The following ARHGAP20 variants were observed in gnomAD, a reference collection of about 807,000 sequenced individuals.
ARHGAP20 encodes the protein Rho GTPase activating protein 20.
A neutral mutation model predicts 73.7 loss-of-function variants in ARHGAP20; 34 were observed. The ratio of observed to expected loss-of-function variants is 0.46; its 90% confidence interval spans 0.35 to 0.61. The LOEUF is 0.61. Among genes scored for constraint, ARHGAP20 ranks in the 20% least tolerant of loss-of-function variants. ARHGAP20 has a pLI of 0.00. For missense variants in ARHGAP20, 1,314 were observed against 1,420.9 expected, an observed-to-expected ratio of 0.92 and a Z score of 1.21; for synonymous variants, 523 against 518.2, an observed-to-expected ratio of 1.01 and a Z score of -0.13.
At chr11:110,584,824 T>C (rs1218893358) in intron 12 of ARHGAP20, among the ~76,000 whole-genome samples, 1 of 151,240 alleles carries the variant, frequency 6.6e-6, no homozygotes, top group African/African-American at 2.4e-5. Flanking sequence ...ATTTGCAAAT[T>C]CACTTTAGCA....
Position 110,580,170 on chromosome 11 carries a change from T to C in ARHGAP20, c.2776A>G (p.Arg926Gly). 6.2e-7 allele frequency: 1 copy of C among 1,614,192 alleles called. No individual in the cohort carries two copies. The highest frequency in any genetic ancestry group is 8.5e-7 in the Non-Finnish European group (1 of 1,180,046). ...NQNTEKVLPP[R>G]LNLCPRTSYS... ...CTGGTCCTTGGGCAAAGGTTTAATC[T>C]TGGGGGTAAAACCTTCTCAGTGTTT... The change falls in exon 15 of 15, where the codon AGA becomes GGA. Residue 926 changes from arginine (R) to glycine (G), a missense_variant. By Grantham distance (125) the Arg-to-Gly change is moderately radical. Around this residue, in one of 3 missense-constraint regions of ARHGAP20, gnomAD observed 641 missense variants for 636.9 expected, o/e 1.01. Transcript: ENST00000683387.
chr11:110,705,912 G>A (rs11213556), intron 1 of ARHGAP20, among the ~76,000 whole-genome samples: 42,176 of 151,994 alleles, frequency 0.28, 6,214 homozygotes, highest in African/African-American at 0.39. Context: ...CCTGGCTAAG[G>A]GCTCTTGAAG....
Position 110,614,606 on chromosome 11 carries a change from G to A in ARHGAP20, c.585C>T (p.Ser195=). The A allele has an allele frequency of 6.2e-7, 1 of 1,612,910 alleles. No homozygotes were observed. The highest frequency in any genetic ancestry group is 8.5e-7 in the Non-Finnish European group (1 of 1,179,510). ...CCTTGGCGAAGATTTTGAGGGGAAT[G>A]CTCTTCGGGTAGTCCTTTTCTTTCT... The part of the protein sequence containing the change: ...NLEKEKDYPK[S]IPLKIFAKDI... Residue 195 remains serine, a synonymous_variant, in exon 6 of 15, where the codon AGC becomes AGT. Coordinates refer to ENST00000683387, the MANE Select transcript of ARHGAP20 (RefSeq NM_001384657.1).
At position 110,590,481 on chromosome 11, in the gene ARHGAP20, T is replaced by A. The variant is rs374155180; in HGVS notation, c.1305+167A>T. Among the ~76,000 whole-genome samples the A allele has an allele frequency of 3.3e-5, 5 of 152,342 alleles. No homozygotes were observed. The East Asian group carries it at 9.6e-4, about 29-fold the overall frequency. Reference sequence around the variant, plus strand: ...ATCAGTGGTAGCTTTTAAAGTCCAATGTTGACTTTGTGAAATGTTTTTATA... The same window carrying A: ...ATCAGTGGTAGCTTTTAAAGTCCAAAGTTGACTTTGTGAAATGTTTTTATA... On this transcript the variant is annotated intron_variant, in intron 11 of 14. Coordinates refer to ENST00000683387, the MANE Select transcript of ARHGAP20 (RefSeq NM_001384657.1).
At chr11:110,597,720 G>GT (rs1328354994) in intron 9 of ARHGAP20, among the ~76,000 whole-genome samples, 2 of 152,168 alleles carry the variant, frequency 1.3e-5, no homozygotes, top group African/African-American at 4.8e-5. Flanking sequence ...TGTTGACAGA[G>GT]GATAAAGTAG....
At chr11:110,629,671 C>T (rs907674950) in intron 3 of ARHGAP20, among the ~76,000 whole-genome samples, 4 of 152,126 alleles carry the variant, frequency 2.6e-5, no homozygotes, top group African/African-American at 9.7e-5. Flanking sequence ...CATTCTACAC[C>T]GTTTCTTATA....
intron 14 of ARHGAP20, 21 bp downstream of exon 14, chr11:110,582,300 C>T: frequency 1.9e-6 from 3 of 1,563,910 alleles, no homozygotes; most frequent in Non-Finnish European, 2.6e-6. Context: ...TCACAAAAAC[C>T]AATCCAATTA....
In ARHGAP20 at chr11:110,614,028, T is replaced by C. The variant is rs769526589; in HGVS notation, c.630+533A>G. Among the ~76,000 whole-genome samples the C allele has an allele frequency of 1.4e-4, 21 of 152,180 alleles. 1 individual carries two copies. The highest frequency in any genetic ancestry group is 2.1e-4 in the Non-Finnish European group (14 of 68,022). ...GACCAATATGATAAACACTGTGAAG[T>C]AGTAAAATGCTGATCCCTTAAAAAT... On this transcript the variant is annotated intron_variant, in intron 6 of 14. Coordinates refer to ENST00000683387, the MANE Select transcript of ARHGAP20 (RefSeq NM_001384657.1).
intron 2 of ARHGAP20, among the ~76,000 whole-genome samples, chr11:110,689,085 G>A (rs1386631543): frequency 6.7e-6 from 1 of 148,418 alleles, no homozygotes; most frequent in Admixed American, 6.8e-5. Flanking sequence ...TGCAAGCTCC[G>A]CCTCCCCGGT....
At chr11:110,632,409 T>C (rs1442785979) in intron 2 of ARHGAP20, among the ~76,000 whole-genome samples, 1 of 152,130 alleles carries the variant, frequency 6.6e-6, no homozygotes, top group East Asian at 1.9e-4. Context: ...ATTAGGATTT[T>C]TTTTTCTTAT....
chr11:110,684,926 G>T (rs886573637), intron 2 of ARHGAP20, among the ~76,000 whole-genome samples: 2 of 152,086 alleles, frequency 1.3e-5, no homozygotes, highest in African/African-American at 4.8e-5. Context: ...AGAGAGGGAA[G>T]TGGGGGGCAA....
At chr11:110,656,528 A>G (rs111637040) in intron 2 of ARHGAP20, among the ~76,000 whole-genome samples, 38 of 152,226 alleles carry the variant, frequency 2.5e-4, no homozygotes, top group African/African-American at 8.7e-4. Flanking sequence ...GAGTCCTCTT[A>G]GTAAGGGAGA....
intron 2 of ARHGAP20, among the ~76,000 whole-genome samples, chr11:110,646,863 A>G (rs1283887068): frequency 6.6e-6 from 1 of 152,026 alleles, no homozygotes; most frequent in African/African-American, 2.4e-5. Flanking sequence ...GGAAGAGGGT[A>G]TGGTTTAAAC....
chr11:110,624,227 G>A lies in ARHGAP20; in HGVS notation c.438C>T (p.Gly146=), dbSNP rs765417943. The change falls in exon 4 of 15, where the codon GGC becomes GGT. Residue 146 remains glycine, a synonymous_variant. Transcript: ENST00000683387. Reference sequence around the variant, plus strand: ...CAAAGGATTTCATGGCATTGGTGTTGCCTTCTCCCACTTCATCCACACAGC... The same window carrying A: ...CAAAGGATTTCATGGCATTGGTGTTACCTTCTCCCACTTCATCCACACAGC... ...TASCVDEVGE[G]NTNAMKSFVL... 1 of 1,613,240 alleles carries A rather than the reference G, an allele frequency of 6.2e-7. No individual in the cohort carries two copies. Among genetic ancestry groups the A allele is most frequent in the Non-Finnish European group, 8.5e-7 (1 of 1,179,758 alleles).
chr11:110,679,815 C>G (rs996350141), intron 2 of ARHGAP20, among the ~76,000 whole-genome samples: 2 of 152,144 alleles, frequency 1.3e-5, no homozygotes, highest in African/African-American at 4.8e-5. Context: ...AACTATGTAT[C>G]AGAAAACCAA....
intron 4 of ARHGAP20, among the ~76,000 whole-genome samples, chr11:110,619,384 CAGT>C (rs1198156431): frequency 6.9e-6 from 1 of 145,384 alleles, no homozygotes; most frequent in African/African-American, 2.6e-5. Flanking sequence ...AGAGTATATG[CAGT>C]GATAGAGTAT....
At chr11:110,597,357 C>T (rs1434905603) in intron 9 of ARHGAP20, among the ~76,000 whole-genome samples, 15 of 150,646 alleles carry the variant, frequency 1.0e-4, no homozygotes, top group South Asian at 2.1e-4. Flanking sequence ...GGTTCCTGTA[C>T]GTCTAGCAAG....
In ARHGAP20 at chr11:110,577,899, G is replaced by T. The variant is rs1947330748; in HGVS notation, c.*1471C>A. ...ACAAAAAAGAAAGAACATTTGATATGACCATTTTCTGGTGATTAATAAGAC... is the reference window on the plus strand; with the variant it reads ...ACAAAAAAGAAAGAACATTTGATATTACCATTTTCTGGTGATTAATAAGAC... On this transcript the variant is annotated 3_prime_UTR_variant, in exon 15 of 15. Coordinates refer to ENST00000683387, the MANE Select transcript of ARHGAP20 (RefSeq NM_001384657.1). 2 of 983,768 alleles carry T rather than the reference G, an allele frequency of 2.0e-6. No homozygotes were observed. Among genetic ancestry groups the T allele is most frequent in the South Asian group, 9.4e-5 (2 of 21,288 alleles). The allele number at this position is 983,768 out of a possible 1,614,324, so 60.9% of individuals were successfully genotyped here. A position where few individuals can be genotyped will look rare whatever the true frequency, so the allele number is the denominator to read the frequency against.
chr11:110,678,383 ATGT>A (rs1227325694), intron 2 of ARHGAP20, among the ~76,000 whole-genome samples: 4 of 152,320 alleles, frequency 2.6e-5, no homozygotes, highest in African/African-American at 9.6e-5. Context: ...CTCCATAAAG[ATGT>A]TGTTTTGTTT....
Sources: gnomAD v4.1 joint callset for allele counts (sites outside exome capture counted in the v4.1 genomes callset) on GRCh38, gnomAD v4.1.1 for gene constraint, gnomAD v4.1.1 regional missense constraint, MANE v1.5 for transcripts, NCBI Gene and HGNC (gene_info 2026-07-23, HGNC 2026-07-21) for gene names.